RNF212: variants seen among roughly 807,000 people sequenced by gnomAD.
The protein encoded by RNF212 is probable E3 SUMO-protein ligase RNF212.
A neutral mutation model predicts 34.7 loss-of-function variants in RNF212; 33 were observed. The observed-to-expected ratio is 0.95, with a 90% CI of 0.72 to 1.27. The LOEUF (loss-of-function observed/expected upper bound fraction) is 1.27, where lower values mean the gene tolerates loss of function less well. Ranked by LOEUF, RNF212 falls within the 50% of genes most tolerant of loss-of-function variation. The pLI is 0.00. For missense variants in RNF212, 377 were observed against 362.2 expected (o/e 1.04, Z -0.33); for synonymous variants, 140 against 136.1 (o/e 1.03, Z -0.20).
chr4:1,073,347 TAA>T (rs1472423096), intron 9 of RNF212, among the ~76,000 whole-genome samples, 154 bp from the exon 10 acceptor site: 2 of 152,222 alleles, frequency 1.3e-5, no homozygotes, highest in Non-Finnish European at 2.9e-5. Context: ...TATTTTTGTT[TAA>T]AACCAAGAGG....
At chr4:1,101,459 T>C (rs999140358) in intron 2 of RNF212, 3 of 155,924 alleles carry the variant, frequency 1.9e-5, no homozygotes, top group African/African-American at 4.8e-5. Context: ...CTGCTTAAGA[T>C]GGGATTTTGT....
At chr4:1,087,622 G>T (rs991929611) in intron 4 of RNF212, among the ~76,000 whole-genome samples, 1 of 151,078 alleles carries the variant, frequency 6.6e-6, no homozygotes, top group African/African-American at 2.4e-5. Context: ...GACAGAATGG[G>T]GTTGAGAGGT....
intron 2 of RNF212, 92 bp from the exon 3 acceptor site, chr4:1,096,931 C>G (rs1443744526): frequency 1.1e-6 from 1 of 935,776 alleles, no homozygotes; most frequent in Non-Finnish European, 1.7e-6. Context: ...CTAGAATTAG[C>G]TATAGATGAC....
chr4:1,057,380 T>A (rs1227377725), intron 4 of RNF212, among the ~76,000 whole-genome samples: 2 of 150,384 alleles, frequency 1.3e-5, no homozygotes, highest in African/African-American at 4.9e-5. Flanking sequence ...AACACACGAG[T>A]TCGGTTGACA....
chr4:1,076,307 C>G (rs781343456), intron 8 of RNF212, among the ~76,000 whole-genome samples: 5 of 152,238 alleles, frequency 3.3e-5, no homozygotes, highest in African/African-American at 1.2e-4. Flanking sequence ...AGAACCAATC[C>G]CCTCTGGGCG....
At chr4:1,073,741 G>T in intron 8 of RNF212, 79 bp from the exon 9 acceptor site, 2 of 930,476 alleles carry the variant, frequency 2.1e-6, no homozygotes, top group South Asian at 1.3e-5. Context: ...TGTCTGTTAG[G>T]AACACATTTC....
At chr4:1,094,433 C>T (rs767192932) in intron 3 of RNF212, among the ~76,000 whole-genome samples, 10 of 152,260 alleles carry the variant, frequency 6.6e-5, no homozygotes, top group East Asian at 3.9e-4. Flanking sequence ...AGTGGAGGCG[C>T]GTGCTGACTG....
chr4:1,085,180 C>T (rs952360441), intron 5 of RNF212, among the ~76,000 whole-genome samples: 7 of 152,246 alleles, frequency 4.6e-5, no homozygotes, highest in African/African-American at 9.6e-5. Flanking sequence ...GAATCTAAGG[C>T]ATTGCTGAGC....
At chr4:1,099,819 G>A (rs972058649) in intron 2 of RNF212, 2 of 456,142 alleles carry the variant, frequency 4.4e-6, no homozygotes, top group African/African-American at 2.0e-5. Context: ...CACAAGGTCC[G>A]ACGGCGCAAG....
rs772842409 is a variant in RNF212, at chr4:1,093,714, A to G, written c.247-2876T>C. 1.5e-5 allele frequency: 23 copies of G among 1,536,236 alleles called. No homozygotes were observed. The African/African-American group carries it at 2.9e-4, about 19-fold the overall frequency. ...CTGTGGCTCTGATGTCTGTGATAAC[A>G]GACATGTTTTATGAACTCAAGCAAC... On this transcript the variant is annotated intron_variant, in intron 3 of 9. Transcript: ENST00000433731.
chr4:1,061,728 C>T lies in RNF212; in HGVS notation n.148-3335G>A, dbSNP rs550673924. Among the ~76,000 whole-genome samples, 289 of 152,296 alleles carry T rather than the reference C, an allele frequency of 1.9e-3. 2 individuals are homozygous for T. The highest frequency in any genetic ancestry group is 2.7e-3 in the Admixed American group (41 of 15,302). On this transcript the variant is annotated intron_variant and non_coding_transcript_variant, in intron 3 of 4. Coordinates refer to the RNF212 transcript ENST00000503206. The stretch of plus-strand genomic sequence containing the variant: ...ACAAGAAAAGAGCAGAAACCATGAG[C>T]GGACACATCTGCGGCTGCCGTGGAC...
intron 4 of RNF212, among the ~76,000 whole-genome samples, chr4:1,087,136 T>C (rs111216249): frequency 0.15 from 6 of 40 alleles, no homozygotes; most frequent in African/African-American, 0.2. Context: ...GGAGAGAGGA[T>C]GGGGTGGGGG....
At chr4:1,081,280 A>G in intron 7 of RNF212, 139 bp downstream of exon 7, 1 of 746,788 alleles carries the variant, frequency 1.3e-6, no homozygotes, top group South Asian at 1.5e-5. Flanking sequence ...AATAAGTACC[A>G]AAATGAGTTC....
intron 6 of RNF212, 27 bp from the exon 7 acceptor site, chr4:1,081,494 G>C: frequency 6.2e-7 from 1 of 1,612,846 alleles, no homozygotes; most frequent in Non-Finnish European, 8.5e-7. Flanking sequence ...GAAAATGCCA[G>C]CGTCAGTGCA....
intron 4 of RNF212, chr4:1,058,285 A>AGGCTTTCCC: frequency 1.5e-6 from 1 of 682,068 alleles, no homozygotes; most frequent in Non-Finnish European, 1.8e-6. Flanking sequence ...CGGGGGTTAG[A>AGGCTTTCCC]ACGCAGTGAA....
At chr4:1,081,942 C>T (rs78003862) in intron 5 of RNF212, 161 of 325,338 alleles carry the variant, frequency 4.9e-4, no homozygotes, top group African/African-American at 3.1e-3. Flanking sequence ...GAGCCACTAA[C>T]GCACCAGCTT....
intron 5 of RNF212, 27 bp downstream of exon 5, chr4:1,085,869 G>A (rs781017805): frequency 1.7e-5 from 27 of 1,567,796 alleles, no homozygotes; most frequent in African/African-American, 2.7e-5. Flanking sequence ...CCTCGACTGC[G>A]CACTCACGGG....
In RNF212 at chr4:1,081,454, T is replaced by C. The variant is rs775377075; in HGVS notation, c.429A>G (p.Gly143=). Residue 143 remains glycine, a synonymous_variant, in exon 7 of 10, where the codon GGA becomes GGG. Transcript: ENST00000433731. ...IKSSVSTKPH[G]CLLPPHSSAP... The stretch of plus-strand genomic sequence containing the variant: ...CTGATGAGTGAGGTGGCAGCAGGCA[T>C]CCGTGTGGTTTTGCTGGAAGAGTGA... 1.2e-6 allele frequency: 2 copies of C among 1,613,802 alleles called. No individual in the cohort carries two copies. The highest frequency in any genetic ancestry group is 1.3e-5 in the African/African-American group (1 of 74,886).
chr4:1,091,407 C>G (rs1230196746), intron 3 of RNF212, among the ~76,000 whole-genome samples: 2 of 152,172 alleles, frequency 1.3e-5, no homozygotes, highest in Non-Finnish European at 2.9e-5. Context: ...CTGTGATTTC[C>G]TCAGAGGAAG....
Sources: gnomAD v4.1 joint callset for allele counts (sites outside exome capture counted in the v4.1 genomes callset) on GRCh38, gnomAD v4.1.1 for gene constraint, MANE v1.5 for transcripts, NCBI Gene and HGNC (gene_info 2026-07-23, HGNC 2026-07-21) for gene names.